Variants in SLC14A2 observed in about 807,000 individuals in gnomAD.
SLC14A2 encodes urea transporter 2.
In SLC14A2, 91 loss-of-function variants were observed where a neutral mutation model predicts 104.6. That is an observed-to-expected ratio of 0.87 (90% CI 0.73 to 1.04). The LOEUF (loss-of-function observed/expected upper bound fraction) is 1.04. Ranked by LOEUF, SLC14A2 falls within the 50% of genes least tolerant of loss-of-function variation. The pLI, the probability that SLC14A2 is intolerant of heterozygous loss-of-function variation, is 0.00. For missense variants in SLC14A2, 1,189 were observed against 1,156.0 expected (o/e 1.03, Z -0.41); for synonymous variants, 476 against 466.4 (o/e 1.02, Z -0.27).
intron 1 of SLC14A2, among the ~76,000 whole-genome samples, chr18:45,236,415 G>A (rs1401829761): frequency 3.4e-4 from 5 of 14,900 alleles, no homozygotes; most frequent in African/African-American, 9.7e-4. Flanking sequence ...ATATATACAT[G>A]TATGTGTGTA....
intron 1 of SLC14A2, among the ~76,000 whole-genome samples, chr18:45,238,346 A>T (rs2084277032): frequency 6.6e-6 from 1 of 152,240 alleles, no homozygotes. Context: ...TCTATTTAAG[A>T]AACAGTCCGG....
intron 1 of SLC14A2, among the ~76,000 whole-genome samples, chr18:45,454,666 G>C (rs142236293): frequency 2.1e-3 from 321 of 152,292 alleles, no homozygotes; most frequent in African/African-American, 7.3e-3. Context: ...AATCCACCTT[G>C]AGTTAATTTT....
chr18:45,666,103 C>A, intron 11 of SLC14A2, 34 bp from the exon 12 acceptor site: 1 of 1,497,090 alleles, frequency 6.7e-7, no homozygotes, highest in Non-Finnish European at 9.3e-7. Context: ...GTAGAGGTGT[C>A]CTAACTGATG....
Position 45,666,165 on chromosome 18 carries a change from A to G in SLC14A2, c.1503A>G (p.Arg501=). 6.2e-7 allele frequency: 1 copy of G among 1,613,966 alleles called. No homozygotes were observed. Among genetic ancestry groups the G allele is most frequent in the Middle Eastern group, 1.7e-4 (1 of 6,060 alleles). ...KVFGKGEHQE[R]QNKDPFPYRY... is the part of the protein sequence containing the mutation. Reference sequence around the variant, plus strand: ...TTGGAAAAGGCGAACACCAGGAAAGACAAAACAAAGACCCATTTCCCTATC... The same window carrying G: ...TTGGAAAAGGCGAACACCAGGAAAGGCAAAACAAAGACCCATTTCCCTATC... Residue 501 remains arginine (R), a synonymous_variant, in exon 12 of 20, where the codon AGA becomes AGG. Transcript: ENST00000255226.
At chr18:45,216,490 C>T (rs2084011834) in intron 1 of SLC14A2, among the ~76,000 whole-genome samples, 1 of 152,174 alleles carries the variant, frequency 6.6e-6, no homozygotes, top group Non-Finnish European at 1.5e-5. Context: ...TTGGTGCTCA[C>T]AGCTGAAGCC....
At chr18:45,410,152 G>A (rs745787745) in intron 1 of SLC14A2, among the ~76,000 whole-genome samples, 1 of 152,148 alleles carries the variant, frequency 6.6e-6, no homozygotes, top group African/African-American at 2.4e-5. Context: ...TCTGACAGGA[G>A]GCGGAGCTCA....
intron 10 of SLC14A2, among the ~76,000 whole-genome samples, chr18:45,660,061 A>C (rs553926264): frequency 6.6e-5 from 10 of 152,210 alleles, no homozygotes; most frequent in South Asian, 6.2e-4. Flanking sequence ...TGAGTTCAGG[A>C]GTTTTAGGCT....
At chr18:45,487,980 A>T (rs1436371447) in intron 2 of SLC14A2, among the ~76,000 whole-genome samples, 2 of 152,200 alleles carry the variant, frequency 1.3e-5, no homozygotes, top group Non-Finnish European at 2.9e-5. Flanking sequence ...AATCACAGCT[A>T]CTTCTAGAAT....
intron 2 of SLC14A2, chr18:45,529,948 A>G (rs2043656617): frequency 6.6e-6 from 1 of 152,200 alleles, no homozygotes; most frequent in African/African-American, 2.4e-5. Context: ...GATGGTTCAC[A>G]TCTACTCCTA....
chr18:45,555,572 C>T (rs73955858), intron 2 of SLC14A2, among the ~76,000 whole-genome samples: 1,860 of 152,266 alleles, frequency 0.012, 38 homozygotes, highest in African/African-American at 0.043. Context: ...CATACATAAA[C>T]CAATCTTAGA....
At chr18:45,378,017 C>T (rs1568173660) in intron 1 of SLC14A2, among the ~76,000 whole-genome samples, 2 of 152,206 alleles carry the variant, frequency 1.3e-5, no homozygotes, top group Non-Finnish European at 2.9e-5. Context: ...AAAATGCACA[C>T]ATCTTTCAAA....
chr18:45,612,323 C>A (rs1760805343), upstream of SLC14A2, among the ~76,000 whole-genome samples: 1 of 152,190 alleles, frequency 6.6e-6, no homozygotes, highest in African/African-American at 2.4e-5. Flanking sequence ...GTGCCCATGA[C>A]ATTCCAACAT....
chr18:45,413,307 C>G (rs1451980909), intron 1 of SLC14A2, among the ~76,000 whole-genome samples: 1 of 152,094 alleles, frequency 6.6e-6, no homozygotes, highest in Non-Finnish European at 1.5e-5. Flanking sequence ...GTTTCTACAT[C>G]CAGAAAAGGA....
At chr18:45,366,590 T>C (rs2085668012) in intron 1 of SLC14A2, among the ~76,000 whole-genome samples, 1 of 152,332 alleles carries the variant, frequency 6.6e-6, no homozygotes, top group East Asian at 1.9e-4. Flanking sequence ...TCCTCTCCTA[T>C]CACCCAGAAG....
chr18:45,361,257 A>G (rs1184139371), intron 1 of SLC14A2, among the ~76,000 whole-genome samples: 1 of 152,170 alleles, frequency 6.6e-6, no homozygotes, highest in Non-Finnish European at 1.5e-5. Flanking sequence ...ACTGGGTTTC[A>G]TTCATCCCCC....
intron 2 of SLC14A2, among the ~76,000 whole-genome samples, chr18:45,523,863 G>C (rs1055170570): frequency 2.0e-5 from 3 of 152,190 alleles, no homozygotes; most frequent in African/African-American, 7.2e-5. Context: ...TAGGCTGTTT[G>C]TGTGCCTTTT....
intron 1 of SLC14A2, among the ~76,000 whole-genome samples, chr18:45,465,342 G>A (rs1345231274): frequency 6.6e-6 from 1 of 152,216 alleles, no homozygotes; most frequent in East Asian, 1.9e-4. Flanking sequence ...ATTTCCTCAT[G>A]GAGCTGCACT....
chr18:45,623,296 GAGA>G (rs2045205846), intron 1 of SLC14A2, among the ~76,000 whole-genome samples: 1 of 152,214 alleles, frequency 6.6e-6, no homozygotes, highest in East Asian at 1.9e-4. Context: ...CACTGGAGAT[GAGA>G]AGGACAAGGA....
chr18:45,224,456 C>G (rs2084094375), intron 1 of SLC14A2, among the ~76,000 whole-genome samples: 1 of 152,202 alleles, frequency 6.6e-6, no homozygotes, highest in South Asian at 2.1e-4. Context: ...GATGATGGCT[C>G]TGAATTCACA....
Sources: allele counts gnomAD v4.1 joint callset (sites outside exome capture counted in the v4.1 genomes callset), GRCh38; gene constraint gnomAD v4.1.1; transcripts MANE v1.5; gene names NCBI Gene and HGNC (gene_info 2026-07-23, HGNC 2026-07-21).